The following EML5 variants were observed in gnomAD, a reference collection of about 807,000 sequenced individuals.
The protein encoded by EML5 is echinoderm microtubule-associated protein-like 5.
A neutral mutation model predicts 250.0 loss-of-function variants in EML5; 120 were observed. The ratio of observed to expected loss-of-function variants is 0.48; its 90% CI spans 0.41 to 0.56. EML5 has a LOEUF of 0.56. Among genes scored for constraint, EML5 ranks in the 20% least tolerant of loss-of-function variants. The probability of loss-of-function intolerance (pLI) is 0.00; values close to 1 mark genes in which losing one functional copy is unlikely to be tolerated. For missense variants in EML5, 2,006 were observed against 2,437.6 expected (o/e 0.82, Z 3.73); for synonymous variants, 771 against 806.5 (o/e 0.96, Z 0.75).
chr14:88,720,018 A>G (rs2093565757), intron 8 of EML5, among the ~76,000 whole-genome samples: 1 of 152,218 alleles, frequency 6.6e-6, no homozygotes, highest in Non-Finnish European at 1.5e-5. Context: ...ACTTCTATGC[A>G]TATAAACCAG....
chr14:88,661,014 G>A (rs2092079371), intron 25 of EML5, among the ~76,000 whole-genome samples: 2 of 152,132 alleles, frequency 1.3e-5, no homozygotes, highest in African/African-American at 4.8e-5. Flanking sequence ...ACTATAAAGA[G>A]TTTATATTTA....
intron 31 of EML5, among the ~76,000 whole-genome samples, chr14:88,642,191 T>G (rs1487458189): frequency 1.3e-5 from 2 of 152,188 alleles, no homozygotes; most frequent in Admixed American, 6.6e-5. Flanking sequence ...ATAACCTTTA[T>G]TTTTACTTCT....
chr14:88,658,491 C>T (rs1156664063), intron 25 of EML5, 103 bp from the exon 26 acceptor site: 2 of 900,554 alleles, frequency 2.2e-6, no homozygotes, highest in African/African-American at 3.4e-5. Flanking sequence ...TTAATCATTT[C>T]AAGTGCAATG....
At chr14:88,724,618 T>C (rs1446702534) in intron 8 of EML5, among the ~76,000 whole-genome samples, 3 of 152,212 alleles carry the variant, frequency 2.0e-5, no homozygotes, top group Admixed American at 6.5e-5. Flanking sequence ...ATAGGAATTC[T>C]TAGGTGTTTT....
rs141766478 is a variant in EML5, at chr14:88,659,679, C to T, written c.3676-1291G>A. Among the ~76,000 whole-genome samples the T allele has an allele frequency of 5.2e-3, 790 of 152,272 alleles. 8 individuals are homozygous for T. The highest frequency in any genetic ancestry group is 0.018 in the African/African-American group (755 of 41,542). On this transcript the variant is annotated intron_variant, in intron 25 of 43. Coordinates refer to ENST00000554922, the MANE Select transcript of EML5 (RefSeq NM_183387.3). ...CCTAAGGGATCTACACCATCTGGAA[C>T]GCTGGAAGTGAAGTTTCTGGCAAAT...
intron 14 of EML5, among the ~76,000 whole-genome samples, chr14:88,700,590 C>G (rs1320598693): frequency 6.6e-6 from 1 of 152,106 alleles, no homozygotes; most frequent in Non-Finnish European, 1.5e-5. Context: ...AAAAGCATGA[C>G]TTATTACTGC....
chr14:88,652,525 T>C lies in EML5; in HGVS notation c.4005-2599A>G, dbSNP rs570793609. On this transcript the variant is annotated intron_variant, in intron 27 of 43. Coordinates refer to ENST00000554922, the MANE Select transcript of EML5 (RefSeq NM_183387.3). ...TTTCTATCTCTCTGAGTTCCAAAATTCTTCAGCACTATCCTAAATGGCCAC... is the reference window on the plus strand; with the variant it reads ...TTTCTATCTCTCTGAGTTCCAAAATCCTTCAGCACTATCCTAAATGGCCAC... Among the ~76,000 whole-genome samples the C allele has an allele frequency of 2.0e-5, 3 of 152,300 alleles. No individual in the cohort carries two copies. The East Asian group carries it at 5.8e-4, about 29-fold the overall frequency.
chr14:88,639,653 T>C (rs908470614), intron 31 of EML5, among the ~76,000 whole-genome samples: 3 of 152,172 alleles, frequency 2.0e-5, no homozygotes, highest in Non-Finnish European at 1.5e-5. Context: ...CCTGGCTCAT[T>C]GCAACCTCCA....
Position 88,661,956 on chromosome 14 carries a change from T to C in EML5, c.3499-126A>G, listed in dbSNP as rs538452887. ...TAAAATGAAAGTTTTAATGAAAAAATAGTTAAATTATTAGTTGTCTTGGTT... is the reference window on the plus strand; with the variant it reads ...TAAAATGAAAGTTTTAATGAAAAAACAGTTAAATTATTAGTTGTCTTGGTT... On this transcript the variant is annotated intron_variant, in intron 24 of 43. Coordinates refer to ENST00000554922, the MANE Select transcript of EML5 (RefSeq NM_183387.3). The C allele has an allele frequency of 1.3e-4, 115 of 884,546 alleles. No homozygotes were observed. The East Asian group carries it at 2.7e-3, about 21-fold the overall frequency. The allele number at this position is 884,546 out of a possible 1,614,324, so 54.8% of individuals were successfully genotyped here. A position where few individuals can be genotyped will look rare whatever the true frequency, so the allele number is the denominator to read the frequency against.
intron 32 of EML5, among the ~76,000 whole-genome samples, chr14:88,637,323 A>T (rs2090796525): frequency 2.0e-5 from 3 of 152,162 alleles, no homozygotes; most frequent in Admixed American, 1.3e-4. Context: ...AAGAGGAGGG[A>T]TATAATTAAA....
chr14:88,703,492 C>T (rs1397048921), intron 13 of EML5, among the ~76,000 whole-genome samples: 1 of 152,108 alleles, frequency 6.6e-6, no homozygotes, highest in East Asian at 1.9e-4. Context: ...TTAAAATGGT[C>T]AATATAAGTC....
intron 4 of EML5, among the ~76,000 whole-genome samples, chr14:88,741,916 C>A (rs1301273540): frequency 6.6e-6 from 1 of 152,110 alleles, no homozygotes; most frequent in Non-Finnish European, 1.5e-5. Flanking sequence ...ATTCAAAGAT[C>A]TAATGAGTAC....
intron 1 of EML5, among the ~76,000 whole-genome samples, chr14:88,775,766 G>A (rs1490527107): frequency 6.6e-6 from 1 of 152,090 alleles, no homozygotes; most frequent in Non-Finnish European, 1.5e-5. Flanking sequence ...AGCAAACATA[G>A]GCAGTAACCA....
In EML5 at chr14:88,775,127, C is replaced by G. The variant is rs533820502; in HGVS notation, c.197+17180G>C. Among the ~76,000 whole-genome samples, 5 of 151,524 alleles carry G rather than the reference C, an allele frequency of 3.3e-5. No homozygotes were observed. The South Asian group carries it at 1.0e-3, about 32-fold the overall frequency. ...CAGTAGCAATACCCGGGTACTATGTCAAGGGCCTTAAGTGAGCCTCTGAGG... is the reference window on the plus strand; with the variant it reads ...CAGTAGCAATACCCGGGTACTATGTGAAGGGCCTTAAGTGAGCCTCTGAGG... On this transcript the variant is annotated intron_variant, in intron 1 of 43. Coordinates refer to ENST00000554922, the MANE Select transcript of EML5 (RefSeq NM_183387.3).
intron 7 of EML5, among the ~76,000 whole-genome samples, chr14:88,728,771 A>C (rs1013788338): frequency 1.1e-4 from 17 of 152,134 alleles, no homozygotes; most frequent in African/African-American, 3.9e-4. Flanking sequence ...ATCATTTTAT[A>C]TAATGAACTT....
chr14:88,658,585 C>T (rs1853856059), intron 25 of EML5, among the ~76,000 whole-genome samples, 197 bp from the exon 26 acceptor site: 1 of 151,732 alleles, frequency 6.6e-6, no homozygotes, highest in African/African-American at 2.4e-5. Flanking sequence ...GATCTAAAAC[C>T]AGTAGTTTCA....
intron 11 of EML5, 35 bp downstream of exon 11, chr14:88,706,224 A>T: frequency 6.6e-7 from 1 of 1,518,500 alleles, no homozygotes; most frequent in Non-Finnish European, 8.8e-7. Context: ...GAATTATTTG[A>T]CAGGGAAACT....
intron 19 of EML5, among the ~76,000 whole-genome samples, chr14:88,686,747 G>C (rs576535238): frequency 6.6e-6 from 1 of 152,210 alleles, no homozygotes; most frequent in South Asian, 2.1e-4. Context: ...GGGGTTCAAG[G>C]TTTCAGTGAG....
At chr14:88,648,944 C>G (rs1370668971) in intron 28 of EML5, among the ~76,000 whole-genome samples, 1 of 152,058 alleles carries the variant, frequency 6.6e-6, no homozygotes, top group Non-Finnish European at 1.5e-5. Flanking sequence ...TAACAGGTGC[C>G]TATTATTTGA....
Sources: gnomAD v4.1 joint callset for allele counts (sites outside exome capture counted in the v4.1 genomes callset) on GRCh38, gnomAD v4.1.1 for gene constraint, MANE v1.5 for transcripts, NCBI Gene and HGNC (gene_info 2026-07-23, HGNC 2026-07-21) for gene names.